PFKL: variants seen among roughly 807,000 people sequenced by gnomAD.
PFKL encodes the protein ATP-dependent 6-phosphofructokinase, liver type.
Under a neutral mutation model 92.1 loss-of-function variants are expected in PFKL, and 74 were observed. The ratio of observed to expected loss-of-function variants is 0.80; its 90% confidence interval spans 0.67 to 0.97. The LOEUF is 0.97. PFKL is among the 50% of genes least tolerant of loss of function. The pLI, the probability that PFKL is intolerant of heterozygous loss-of-function variation, is 0.00. For synonymous variants in PFKL, 494 were observed against 456.4 expected (o/e 1.08, Z -1.05); for missense variants, 1,028 against 1,116.6 (o/e 0.92, Z 1.13).
intron 1 of PFKL, among the ~76,000 whole-genome samples, chr21:44,306,230 C>T (rs1280097716): frequency 9.2e-5 from 14 of 151,784 alleles, no homozygotes; most frequent in South Asian, 2.1e-4. Flanking sequence ...GTGGGGGCTC[C>T]GTGGCAGAGG....
At position 44,324,536 on chromosome 21, in the gene PFKL, G is replaced by A; in HGVS notation, c.1696G>A (p.Val566Met). Residue 566 changes from valine (V) to methionine (M), a missense_variant, in exon 17 of 22, where the codon GTG becomes ATG. Coordinates refer to ENST00000349048, the MANE Select transcript of PFKL (RefSeq NM_002626.6). ...KQSASGTKRR[V>M]FIVETMGGYC... Reference sequence around the variant, plus strand: ...GTCTGCCTCGGGGACCAAGCGCCGTGTGTTCATCGTGGAGACCATGGGGGG... The same window carrying A: ...GTCTGCCTCGGGGACCAAGCGCCGTATGTTCATCGTGGAGACCATGGGGGG... The A allele has an allele frequency of 6.2e-7, 1 of 1,613,494 alleles. No individual in the cohort carries two copies. Among genetic ancestry groups the A allele is most frequent in the South Asian group, 1.1e-5 (1 of 91,068 alleles).
At chr21:44,304,269 T>C (rs1402160625) in intron 1 of PFKL, 1 of 1,288,960 alleles carries the variant, frequency 7.8e-7, no homozygotes, top group African/African-American at 1.5e-5. Flanking sequence ...CCTTTGCCGT[T>C]CCCAGGTCCC....
At chr21:44,304,917 G>A (rs1172115124) in intron 1 of PFKL, among the ~76,000 whole-genome samples, 7 of 152,170 alleles carry the variant, frequency 4.6e-5, no homozygotes, top group Non-Finnish European at 8.8e-5. Context: ...TAGAGACGGC[G>A]TTGCTTGCTC....
chr21:44,322,654 C>T (rs545062922), intron 14 of PFKL, among the ~76,000 whole-genome samples: 4 of 152,324 alleles, frequency 2.6e-5, no homozygotes, highest in East Asian at 3.9e-4. Flanking sequence ...AGGAAGCATC[C>T]GCTCCTGCCG....
At chr21:44,312,861 G>A in intron 4 of PFKL, 117 bp from the exon 5 acceptor site, 2 of 1,105,458 alleles carry the variant, frequency 1.8e-6, no homozygotes, top group Non-Finnish European at 2.6e-6. Context: ...GAACTCCGGG[G>A]CCCCTGCCGG....
At position 44,320,093 on chromosome 21, in the gene PFKL, G is replaced by A. The variant is rs1262013248; in HGVS notation, c.1137G>A (p.Glu379=). ...EATQLRGGSF[E]NNWNIYKLLA... ...CCCGAATCCCTTCCAGGAGCTTCGA[G>A]AACAACTGGAACATTTACAAGCTCC... The change falls in exon 12 of 22, where the codon GAG becomes GAA. Residue 379 remains glutamate (E), a synonymous_variant. Coordinates refer to ENST00000349048, the MANE Select transcript of PFKL (RefSeq NM_002626.6). 8.7e-6 allele frequency: 14 copies of A among 1,613,402 alleles called. No homozygotes were observed. The highest frequency in any genetic ancestry group is 1.1e-5 in the Non-Finnish European group (13 of 1,179,840).
chr21:44,325,632 G>C (rs1173482551), intron 19 of PFKL: 1 of 491,782 alleles, frequency 2.0e-6, no homozygotes, highest in Admixed American at 3.4e-5. Flanking sequence ...GAGCCAGGGA[G>C]GGGAGTCAGG....
chr21:44,319,550 A>G (rs2047305849), intron 11 of PFKL, 135 bp downstream of exon 11: 1 of 780,092 alleles, frequency 1.3e-6, no homozygotes, highest in African/African-American at 1.7e-5. Context: ...CGAGGGAGGA[A>G]GGGGCCTGCG....
At chr21:44,323,297 G>T (rs761174583) in intron 15 of PFKL, among the ~76,000 whole-genome samples, 1 of 152,206 alleles carries the variant, frequency 6.6e-6, no homozygotes, top group Non-Finnish European at 1.5e-5. Context: ...TACTTTCTCC[G>T]GAAAGCTTCA....
At chr21:44,303,194 C>T (rs2039275) in intron 1 of PFKL, among the ~76,000 whole-genome samples, 51,356 of 150,706 alleles carry the variant, frequency 0.34, 9,845 homozygotes, top group African/African-American at 0.52. Flanking sequence ...GATCGAGCCA[C>T]GGCACTCTAG....
At chr21:44,310,861 C>A in intron 2 of PFKL, 145 bp from the exon 3 acceptor site, 1 of 624,120 alleles carries the variant, frequency 1.6e-6, no homozygotes, top group Non-Finnish European at 2.9e-6. Context: ...ACCCTGTTAC[C>A]CAGGCCCTGG....
intron 2 of PFKL, chr21:44,307,429 C>T (rs917311015): frequency 8.9e-6 from 4 of 448,708 alleles, no homozygotes; most frequent in Non-Finnish European, 1.2e-5. Flanking sequence ...CTTGCCTTGT[C>T]AGGTGGTTTT....
At chr21:44,312,418 T>C in intron 4 of PFKL, 124 bp downstream of exon 4, 1 of 900,484 alleles carries the variant, frequency 1.1e-6, no homozygotes, top group Non-Finnish European at 1.6e-6. Context: ...GGAGGGGCTG[T>C]CTGGCCGTTG....
rs1189720093 is a variant in PFKL, at chr21:44,312,273, C to A, written c.406C>A (p.Leu136Met). Residue 136 changes from leucine to methionine, a missense_variant, in exon 4 of 22, where the codon CTG becomes ATG. Physicochemically the swap from Leu to Met is conservative, Grantham distance 15. Transcript: ENST00000349048. ...NIFRSEWGSL[L>M]EELVAEGKIS... ...CTTCCGCAGCGAGTGGGGCAGCCTG[C>A]TGGAGGAGCTGGTGGCGGAAGGTGG... The A allele has an allele frequency of 6.3e-7, 1 of 1,593,146 alleles. No individual in the cohort carries two copies. The highest frequency in any genetic ancestry group is 1.7e-5 in the Admixed American group (1 of 57,172).
chr21:44,312,471 C>T (rs2047076584), intron 4 of PFKL, among the ~76,000 whole-genome samples, 177 bp downstream of exon 4: 1 of 152,186 alleles, frequency 6.6e-6, no homozygotes, highest in South Asian at 2.1e-4. Context: ...TCAGATGTCT[C>T]CCAGAGATGG....
At chr21:44,323,104 C>G in intron 15 of PFKL, 55 bp downstream of exon 15, 1 of 1,422,830 alleles carries the variant, frequency 7.0e-7, no homozygotes, top group South Asian at 1.2e-5. Flanking sequence ...CCAAGGTGTC[C>G]TCCCGCCGAG....
chr21:44,319,361 T>C lies in PFKL; in HGVS notation c.1073T>C (p.Val358Ala). Reference protein sequence around the residue: ...LMECVQMTKEVQKAMDDKRFD... With the variant: ...LMECVQMTKEAQKAMDDKRFD... ...TTTCTCTTCCTTAAGACCAAGGAAG[T>C]GCAGAAAGCCATGGATGACAAGAGG... The change falls in exon 11 of 22, where the codon GTG (valine) becomes GCG (alanine). Residue 358 changes from valine (V) to alanine (A), a missense_variant. Val to Ala is a moderately conservative substitution (Grantham distance 64). Coordinates refer to ENST00000349048, the MANE Select transcript of PFKL (RefSeq NM_002626.6). 6.2e-7 allele frequency: 1 copy of C among 1,613,658 alleles called. No homozygotes were observed. Among genetic ancestry groups the C allele is most frequent in the Middle Eastern group, 1.6e-4 (1 of 6,062 alleles).
chr21:44,302,176 C>T (rs1163307367), intron 1 of PFKL, among the ~76,000 whole-genome samples: 2 of 152,242 alleles, frequency 1.3e-5, no homozygotes, highest in Admixed American at 6.5e-5. Context: ...CCACAGTGCA[C>T]CTGCTGGCCG....
rs1436783206 is a variant in PFKL at position 44,326,954 on chromosome 21, T to G, written c.*92T>G. 4 of 1,222,560 alleles carry G rather than the reference T, an allele frequency of 3.3e-6. No homozygotes were observed. The African/African-American group carries it at 6.0e-5, about 18-fold the overall frequency. The allele number at this position is 1,222,560 out of a possible 1,614,324, so 75.7% of individuals were successfully genotyped here. On this transcript the variant is annotated 3_prime_UTR_variant, in exon 22 of 22. Coordinates refer to ENST00000349048, the MANE Select transcript of PFKL (RefSeq NM_002626.6). ...GGCCTGGGCTGTTGTGTCTGGAGCC[T>G]GCAGGCAGGTGGGGGCTGCGTCCCT...
Sources: allele counts gnomAD v4.1 joint callset (sites outside exome capture counted in the v4.1 genomes callset), GRCh38; gene constraint gnomAD v4.1.1; transcripts MANE v1.5; gene names NCBI Gene and HGNC (gene_info 2026-07-23, HGNC 2026-07-21).